The following DCDC1 variants were observed in gnomAD, a reference collection of about 807,000 sequenced individuals.
DCDC1 encodes doublecortin domain-containing protein 1.
A neutral mutation model predicts 178.3 loss-of-function variants in DCDC1; 200 were observed. The ratio of observed to expected loss-of-function variants is 1.12; its 90% CI spans 1.00 to 1.26. The LOEUF (loss-of-function observed/expected upper bound fraction) is 1.26. Ranked by LOEUF, DCDC1 falls within the 50% of genes most tolerant of loss-of-function variation. The pLI is 0.00. For synonymous variants in DCDC1, 690 were observed against 604.8 expected (o/e 1.14, Z -2.07); for missense variants, 1,983 against 1,749.2 (o/e 1.13, Z -2.38).
intron 2 of DCDC1, among the ~76,000 whole-genome samples, chr11:31,330,238 G>C (rs1006765363): frequency 1.1e-5 from 1 of 87,204 alleles, no homozygotes; most frequent in Non-Finnish European, 2.3e-5. Context: ...CCCACTTTTT[G>C]ATGGGGTTGG....
intron 1 of DCDC1, among the ~76,000 whole-genome samples, chr11:31,358,935 C>T (rs1470301071): frequency 6.6e-6 from 1 of 152,292 alleles, no homozygotes; most frequent in South Asian, 2.1e-4. Flanking sequence ...CAGGAAACAA[C>T]AGGTGCTAGA....
At chr11:31,046,938 T>C (rs1415868504) in intron 20 of DCDC1, among the ~76,000 whole-genome samples, 2 of 152,128 alleles carry the variant, frequency 1.3e-5, no homozygotes, top group Admixed American at 6.5e-5. Context: ...CTTCATGAAA[T>C]GTCCTTCTCT....
intron 20 of DCDC1, among the ~76,000 whole-genome samples, chr11:30,978,602 T>G (rs150090315): frequency 2.8e-4 from 42 of 152,290 alleles, no homozygotes; most frequent in African/African-American, 8.7e-4. Flanking sequence ...CTCAAGTGTT[T>G]ATCATTTCTA....
chr11:31,282,844 G>C (rs769771006), intron 7 of DCDC1, among the ~76,000 whole-genome samples: 1 of 152,004 alleles, frequency 6.6e-6, no homozygotes, highest in Non-Finnish European at 1.5e-5. Context: ...AAAATAATAA[G>C]ATAACCAGTT....
In DCDC1 at chr11:30,916,974, C is replaced by T. The variant is rs1945885849; in HGVS notation, c.3348G>A (p.Arg1116=). 8 of 1,610,550 alleles carry T rather than the reference C, an allele frequency of 5.0e-6. No individual in the cohort carries two copies. Among genetic ancestry groups the T allele is most frequent in the Non-Finnish European group, 5.9e-6 (7 of 1,178,472 alleles). Residue 1116 remains arginine, a synonymous_variant, in exon 26 of 39, where the codon AGG becomes AGA. Coordinates refer to ENST00000684477, the MANE Select transcript of DCDC1 (RefSeq NM_001387274.1). ...CATGTGAAGTTTCCTGCCAGGCATACCTGGGAAGTGTGTGACAAGCCTTCA... is the reference window on the plus strand; with the variant it reads ...CATGTGAAGTTTCCTGCCAGGCATATCTGGGAAGTGTGTGACAAGCCTTCA... ...LRMKACHTLP[R]YAWQETSHDF...
At chr11:31,325,477 T>G (rs77689880) in intron 3 of DCDC1, among the ~76,000 whole-genome samples, 238 of 152,246 alleles carry the variant, frequency 1.6e-3, no homozygotes, top group Middle Eastern at 3.4e-3. Context: ...AAAACATTTA[T>G]AATGTTGGTG....
At chr11:31,214,742 T>C (rs1442958252) in intron 9 of DCDC1, among the ~76,000 whole-genome samples, 1 of 152,166 alleles carries the variant, frequency 6.6e-6, no homozygotes, top group Non-Finnish European at 1.5e-5. Flanking sequence ...CAGAAATGTG[T>C]TTTTATCATT....
At position 31,047,013 on chromosome 11, in the gene DCDC1, T is replaced by C. The variant is rs1205897967; in HGVS notation, c.2591+17456A>G. The stretch of plus-strand genomic sequence containing the variant: ...GGTTCCAGACCCTTCTCTTCCACAA[T>C]GTCTTCCAAACACACAGCCATCCAT... On this transcript the variant is annotated intron_variant, in intron 20 of 38. Coordinates refer to ENST00000684477, the MANE Select transcript of DCDC1 (RefSeq NM_001387274.1). 2.6e-5 allele frequency among the ~76,000 whole-genome samples: 4 copies of C among 152,108 alleles called. No homozygotes were observed. In the East Asian group the frequency reaches 5.8e-4, roughly 22 times the overall value.
At chr11:31,297,718 A>G (rs756345409) in intron 6 of DCDC1, among the ~76,000 whole-genome samples, 1 of 152,138 alleles carries the variant, frequency 6.6e-6, no homozygotes, top group African/African-American at 2.4e-5. Flanking sequence ...CTAAAAATTC[A>G]AAAATTTTCA....
intron 9 of DCDC1, among the ~76,000 whole-genome samples, chr11:31,203,765 A>C (rs898779622): frequency 2.0e-5 from 3 of 152,222 alleles, no homozygotes; most frequent in African/African-American, 7.2e-5. Flanking sequence ...TACTATTTTG[A>C]ATAATAAAAT....
At chr11:31,368,740 G>GAA (rs1952106002) in intron 1 of DCDC1, among the ~76,000 whole-genome samples, 1 of 152,094 alleles carries the variant, frequency 6.6e-6, no homozygotes, top group Admixed American at 6.5e-5. Flanking sequence ...AAAAAAGAAG[G>GAA]AAAGCAAAAT....
chr11:31,358,460 C>T (rs375142882), intron 1 of DCDC1, among the ~76,000 whole-genome samples: 187 of 151,650 alleles, frequency 1.2e-3, no homozygotes, highest in South Asian at 9.2e-3. Flanking sequence ...AAGACTTAAA[C>T]GTTAGACCTA....
At chr11:31,040,823 T>G (rs1190051921) in intron 20 of DCDC1, among the ~76,000 whole-genome samples, 1 of 152,156 alleles carries the variant, frequency 6.6e-6, no homozygotes, top group African/African-American at 2.4e-5. Flanking sequence ...AGGTCAGACA[T>G]GATACCAGGA....
At chr11:31,106,680 T>C (rs1370412921) in intron 13 of DCDC1, 117 bp downstream of exon 13, 1 of 690,026 alleles carries the variant, frequency 1.4e-6, no homozygotes, top group Non-Finnish European at 2.6e-6. Context: ...TAAAATTTTA[T>C]TGGAATTCAA....
intron 15 of DCDC1, among the ~76,000 whole-genome samples, chr11:31,095,449 T>C (rs1958090034): frequency 6.6e-6 from 1 of 152,210 alleles, no homozygotes; most frequent in South Asian, 2.1e-4. Flanking sequence ...CCAGCATCTG[T>C]TGTTTCCTGA....
intron 20 of DCDC1, among the ~76,000 whole-genome samples, chr11:31,036,863 C>G (rs1305334923): frequency 6.6e-6 from 1 of 151,996 alleles, no homozygotes; most frequent in South Asian, 2.1e-4. Context: ...TTATGGTATA[C>G]TTATTATATG....
rs1017484337 is a variant in DCDC1 at position 31,219,602 on chromosome 11, G to A, written c.1221+21848C>T. 2.6e-5 allele frequency among the ~76,000 whole-genome samples: 4 copies of A among 152,244 alleles called. No individual in the cohort carries two copies. The East Asian group carries it at 7.7e-4, about 29-fold the overall frequency. On this transcript the variant is annotated intron_variant, in intron 9 of 38. Coordinates refer to ENST00000684477, the MANE Select transcript of DCDC1 (RefSeq NM_001387274.1). ...TCAAAGAATTAGACTTATTCTAAAA[G>A]AAATCTTGAAAAGGGTTTTCATTCT...
At chr11:30,952,043 A>T (rs1310316146) in intron 21 of DCDC1, among the ~76,000 whole-genome samples, 1 of 152,166 alleles carries the variant, frequency 6.6e-6, no homozygotes, top group African/African-American at 2.4e-5. Context: ...TGGAAAGAAG[A>T]TATACTAGGA....
rs1162522025 is a variant in DCDC1, at chr11:31,253,158, A to G, written c.1055-11542T>C. On this transcript the variant is annotated intron_variant, in intron 8 of 38. Coordinates refer to ENST00000684477, the MANE Select transcript of DCDC1 (RefSeq NM_001387274.1). ...CAACAAAAAGCAGTTAATAGTGAGT[A>G]ATTCATTGCAAATGTAATTCAACAA... 2.6e-5 allele frequency among the ~76,000 whole-genome samples: 4 copies of G among 152,312 alleles called. 1 individual carries two copies. The South Asian group carries it at 6.2e-4, about 24-fold the overall frequency.
Sources: allele counts gnomAD v4.1 joint callset (sites outside exome capture counted in the v4.1 genomes callset), GRCh38; gene constraint gnomAD v4.1.1; transcripts MANE v1.5; gene names NCBI Gene and HGNC (gene_info 2026-07-23, HGNC 2026-07-21).